Variants in BPNT2 observed in about 807,000 individuals in gnomAD.
The protein encoded by BPNT2 is 3'(2'), 5'-bisphosphate nucleotidase 2, also known as Golgi-resident adenosine 3',5'-bisphosphate 3'-phosphatase.
A neutral mutation model predicts 29.3 loss-of-function variants in BPNT2; 11 were observed. The ratio of observed to expected loss-of-function variants is 0.38; its 90% CI spans 0.24 to 0.62. The LOEUF (loss-of-function observed/expected upper bound fraction) is 0.62. BPNT2 is among the 20% of genes least tolerant of loss of function. BPNT2 has a pLI of 0.62. For synonymous variants in BPNT2, 195 were observed against 187.7 expected, an observed-to-expected ratio of 1.04 and a Z score of -0.32; for missense variants, 459 against 473.4, an observed-to-expected ratio of 0.97 and a Z score of 0.28.
chr8:56,982,580 G>A (rs77715703), intron 1 of BPNT2, among the ~76,000 whole-genome samples: 1,713 of 152,246 alleles, frequency 0.011, 85 homozygotes, highest in Admixed American at 0.077. Context: ...AAAAATTTCT[G>A]CCCTGTGGAA....
At chr8:56,975,679 A>G (rs1308125002) in intron 3 of BPNT2, among the ~76,000 whole-genome samples, 1 of 152,156 alleles carries the variant, frequency 6.6e-6, no homozygotes, top group Non-Finnish European at 1.5e-5. Context: ...AAAAAAAGAT[A>G]ATGTCTTTCC....
intron 3 of BPNT2, among the ~76,000 whole-genome samples, chr8:56,969,914 A>C (rs1806004721): frequency 6.6e-6 from 1 of 152,208 alleles, no homozygotes; most frequent in South Asian, 2.1e-4. Context: ...CCTTACTCTG[A>C]AAATTGGTAA....
At chr8:56,990,069 T>C (rs1421745258) in intron 1 of BPNT2, among the ~76,000 whole-genome samples, 2 of 152,248 alleles carry the variant, frequency 1.3e-5, no homozygotes, top group East Asian at 3.8e-4. Context: ...AAGTGCTCTG[T>C]GCACTATATT....
intron 2 of BPNT2, among the ~76,000 whole-genome samples, chr8:56,978,640 A>C (rs1227285583): frequency 2.0e-5 from 3 of 151,858 alleles, no homozygotes; most frequent in Non-Finnish European, 4.4e-5. Flanking sequence ...AATCATCTTA[A>C]ATGCCCATCA....
chr8:56,985,782 T>A (rs1434261454), intron 1 of BPNT2, among the ~76,000 whole-genome samples: 2 of 152,200 alleles, frequency 1.3e-5, no homozygotes, highest in African/African-American at 4.8e-5. Context: ...TTTTCCTTCC[T>A]GAACATCTGG....
intron 3 of BPNT2, among the ~76,000 whole-genome samples, chr8:56,968,400 A>C (rs1048663435): frequency 3.3e-5 from 5 of 151,980 alleles, no homozygotes; most frequent in African/African-American, 1.2e-4. Flanking sequence ...AAAAAAAAAA[A>C]AAACAAAAAA....
Position 56,959,521 on chromosome 8 carries a change from T to C in BPNT2, c.*4272A>G, listed in dbSNP as rs886959541. The stretch of plus-strand genomic sequence containing the variant: ...AGTATTTTTTAACATTAATAAATTA[T>C]TGATATGCTACCATAAATAAATAGT... On this transcript the variant is annotated 3_prime_UTR_variant, in exon 5 of 5. Coordinates refer to ENST00000262644, the MANE Select transcript of BPNT2 (RefSeq NM_017813.5). 2 of 152,212 alleles carry C rather than the reference T, an allele frequency of 1.3e-5. No individual in the cohort carries two copies. Among genetic ancestry groups the C allele is most frequent in the African/African-American group, 4.8e-5 (2 of 41,450 alleles). 9.4% of individuals were successfully genotyped at this position (152,212 alleles called of 1,614,324 possible).
At chr8:56,971,144 T>A (rs1385457342) in intron 3 of BPNT2, among the ~76,000 whole-genome samples, 2 of 152,070 alleles carry the variant, frequency 1.3e-5, no homozygotes, top group South Asian at 4.1e-4. Context: ...TACATGAACA[T>A]AATTATTTCA....
At chr8:56,984,448 G>GA (rs1303008736) in intron 1 of BPNT2, among the ~76,000 whole-genome samples, 1 of 152,084 alleles carries the variant, frequency 6.6e-6, no homozygotes, top group African/African-American at 2.4e-5. Context: ...GTGCCACATC[G>GA]AATCAGTCAG....
At chr8:56,982,398 G>A (rs1236433379) in intron 1 of BPNT2, among the ~76,000 whole-genome samples, 1 of 152,186 alleles carries the variant, frequency 6.6e-6, no homozygotes, top group Non-Finnish European at 1.5e-5. Context: ...TGGGATTACA[G>A]GCATGAGCCA....
chr8:56,975,552 A>G (rs1339658782), intron 3 of BPNT2, among the ~76,000 whole-genome samples: 9 of 152,146 alleles, frequency 5.9e-5, no homozygotes, highest in Admixed American at 2.6e-4. Flanking sequence ...TGCACTTTAT[A>G]AACTGTGAAA....
intron 2 of BPNT2, among the ~76,000 whole-genome samples, chr8:56,979,554 G>C (rs1022569224): frequency 1.3e-5 from 2 of 152,138 alleles, no homozygotes; most frequent in African/African-American, 4.8e-5. Context: ...AAGGTAGAAG[G>C]CTCCACATTT....
chr8:56,970,638 T>C (rs1306793496), intron 3 of BPNT2, among the ~76,000 whole-genome samples: 1 of 152,158 alleles, frequency 6.6e-6, no homozygotes, highest in Non-Finnish European at 1.5e-5. Flanking sequence ...TTGATGACAT[T>C]AGGAAATAAC....
intron 3 of BPNT2, among the ~76,000 whole-genome samples, chr8:56,968,200 G>C (rs1483357119): frequency 1.3e-5 from 2 of 151,782 alleles, no homozygotes; most frequent in East Asian, 3.9e-4. Context: ...ATGTAAAGTG[G>C]GAGCTCATAT....
chr8:56,984,068 G>A (rs1283004373), intron 1 of BPNT2, among the ~76,000 whole-genome samples: 2 of 152,030 alleles, frequency 1.3e-5, no homozygotes, highest in African/African-American at 2.4e-5. Context: ...TAGAAAAGAC[G>A]AAGTAGCTTA....
chr8:56,991,242 T>A (rs956719855), intron 1 of BPNT2, among the ~76,000 whole-genome samples: 1 of 152,240 alleles, frequency 6.6e-6, no homozygotes. Flanking sequence ...CCTTCAGTCA[T>A]GACCCAACAT....
At chr8:56,972,519 C>T (rs1374962373) in intron 3 of BPNT2, among the ~76,000 whole-genome samples, 1 of 151,834 alleles carries the variant, frequency 6.6e-6, no homozygotes, top group Admixed American at 6.6e-5. Flanking sequence ...TAATGAAATA[C>T]CTTTTTATCT....
Position 56,963,596 on chromosome 8 carries a change from C to T in BPNT2, c.*197G>A. 1 of 593,436 alleles carries T rather than the reference C, an allele frequency of 1.7e-6. No individual in the cohort carries two copies. The highest frequency in any genetic ancestry group is 3.0e-6 in the Non-Finnish European group (1 of 336,200). 36.8% of individuals were successfully genotyped at this position (593,436 alleles called of 1,614,324 possible). On this transcript the variant is annotated 3_prime_UTR_variant, in exon 5 of 5. Coordinates refer to ENST00000262644, the MANE Select transcript of BPNT2 (RefSeq NM_017813.5). ...AATAGTCTCAAAAATAAAGACAATA[C>T]TTGAGACACAAAGCAACCCATTTTC...
chr8:56,961,473 T>C lies in BPNT2; in HGVS notation c.*2320A>G, dbSNP rs1223362566. ...TAACTAGACTATACCCAACATATTA[T>C]AAAAATAATGTATTTAACTCTCAAC... On this transcript the variant is annotated 3_prime_UTR_variant, in exon 5 of 5. Transcript: ENST00000262644. 6.6e-6 allele frequency: 1 copy of C among 152,142 alleles called. No homozygotes were observed. Among genetic ancestry groups the C allele is most frequent in the African/African-American group, 2.4e-5 (1 of 41,414 alleles). The allele number at this position is 152,142 out of a possible 1,614,324, so 9.4% of individuals were successfully genotyped here.
Sources: gnomAD v4.1 joint callset for allele counts (sites outside exome capture counted in the v4.1 genomes callset) on GRCh38, gnomAD v4.1.1 for gene constraint, MANE v1.5 for transcripts, NCBI Gene and HGNC (gene_info 2026-07-23, HGNC 2026-07-21) for gene names.